The following SPRY3 variants were observed in gnomAD, a reference collection of about 807,000 sequenced individuals.
SPRY3 encodes sprouty RTK signaling antagonist 3.
A neutral mutation model predicts 20.2 loss-of-function variants in SPRY3; 15 were observed. The observed-to-expected ratio is 0.74, with a 90% CI of 0.50 to 1.14. The LOEUF is 1.14. SPRY3 is among the 50% of genes most tolerant of loss of function. The pLI, the probability that SPRY3 is intolerant of heterozygous loss-of-function variation, is 0.00. For missense variants in SPRY3, 364 were observed against 363.9 expected (o/e 1.00, Z 0.00); for synonymous variants, 143 against 136.5 (o/e 1.05, Z -0.33).
intron 1 of SPRY3, among the ~76,000 whole-genome samples, chrX:155,615,249 ACT>A (rs1309479171): frequency 1.8e-5 from 2 of 112,391 alleles, no homozygotes; most frequent in African/African-American, 6.5e-5. Context: ...TAATTTTTAG[ACT>A]CTTGCTCTAG....
intron 2 of SPRY3, among the ~76,000 whole-genome samples, chrX:155,747,447 T>G (rs1446461353): frequency 6.6e-6 from 1 of 151,972 alleles, no homozygotes; most frequent in Non-Finnish European, 1.5e-5. Flanking sequence ...TATTATTAAA[T>G]TATCTCTAAA....
chrX:155,682,075 T>A (rs1375780462), intron 2 of SPRY3, among the ~76,000 whole-genome samples: 2 of 112,575 alleles, frequency 1.8e-5, no homozygotes, highest in African/African-American at 6.4e-5. Flanking sequence ...AACACCTGAT[T>A]TCAAAGCTTC....
chrX:155,616,132 T>TCTCTCTCTCTCTCTCTCTCTCTCTC (rs1569562349), intron 1 of SPRY3, among the ~76,000 whole-genome samples: 68 of 29,649 alleles, frequency 2.3e-3, no homozygotes, highest in African/African-American at 4.0e-3. Context: ...CTCTCTCTCC[T>TCTCTCTCTCTCTCTCTCTCTCTCTC]CTCTCTCTCT....
Position 155,755,638 on chromosome X carries a change from G to A in SPRY3, c.-281-12324G>A, listed in dbSNP as rs769274271. Among the ~76,000 whole-genome samples the A allele has an allele frequency of 3.9e-5, 6 of 152,206 alleles. No homozygotes were observed. In the East Asian group the frequency reaches 1.2e-3, roughly 29 times the overall value. ...CACTGTAAATGCTCAATAAATGCAA[G>A]GATGTCATTAATATTACATGTCAAC... is the stretch of plus-strand genomic sequence containing the variant. On this transcript the variant is annotated intron_variant, in intron 2 of 3. Transcript: ENST00000675360.
At chrX:155,709,639 C>A (rs2090973367) in intron 2 of SPRY3, among the ~76,000 whole-genome samples, 1 of 151,434 alleles carries the variant, frequency 6.6e-6, no homozygotes, top group Non-Finnish European at 1.5e-5. Context: ...TGATTGTATT[C>A]TTTGCTGTGC....
rs146113448 is a variant in SPRY3, at chrX:155,623,693, T to A, written c.-441+11046T>A. 6.0e-3 allele frequency among the ~76,000 whole-genome samples: 667 copies of A among 112,100 alleles called. 2 individuals are homozygous for A. Among genetic ancestry groups the A allele is most frequent in the African/African-American group, 0.02 (628 of 30,932 alleles). ...GAACTTGTCATTGCTTACTCGTGGGTCCAGACGCTAGTCCAATATGCATCA... is the reference window on the plus strand; with the variant it reads ...GAACTTGTCATTGCTTACTCGTGGGACCAGACGCTAGTCCAATATGCATCA... On this transcript the variant is annotated intron_variant, in intron 1 of 3. Coordinates refer to ENST00000675360, the Ensembl canonical transcript of SPRY3.
At chrX:155,725,932 T>C (rs1274979404) in intron 2 of SPRY3, among the ~76,000 whole-genome samples, 2 of 152,226 alleles carry the variant, frequency 1.3e-5, no homozygotes, top group Non-Finnish European at 2.9e-5. Flanking sequence ...TTTAGATCTT[T>C]TCTGCTTTCT....
chrX:155,709,791 G>A (rs1438959267), intron 2 of SPRY3, among the ~76,000 whole-genome samples: 2 of 151,674 alleles, frequency 1.3e-5, no homozygotes, highest in African/African-American at 4.8e-5. Context: ...AGTTTCATAA[G>A]TTTAGTCTTA....
At chrX:155,708,302 C>T (rs2090964429) in intron 2 of SPRY3, among the ~76,000 whole-genome samples, 1 of 151,380 alleles carries the variant, frequency 6.6e-6, no homozygotes. Flanking sequence ...TATTCTTGCT[C>T]AACAGATTTT....
At chrX:155,620,529 C>T (rs1184601457) in intron 1 of SPRY3, among the ~76,000 whole-genome samples, 3 of 111,531 alleles carry the variant, frequency 2.7e-5, no homozygotes, top group African/African-American at 6.5e-5. Flanking sequence ...AAGCAACAAA[C>T]GTAGATGAAC....
At chrX:155,720,861 C>A (rs1329452707) in intron 2 of SPRY3, among the ~76,000 whole-genome samples, 2 of 152,130 alleles carry the variant, frequency 1.3e-5, no homozygotes, top group South Asian at 2.1e-4. Context: ...AAGTACCCAA[C>A]TCTTCAATGC....
intron 2 of SPRY3, among the ~76,000 whole-genome samples, chrX:155,765,477 G>A (rs1006930643): frequency 1.6e-4 from 24 of 152,180 alleles, no homozygotes; most frequent in Non-Finnish European, 3.4e-4. Context: ...TCATAGAACA[G>A]CACCTGGCAA....
At chrX:155,700,487 A>G (rs1420984249) in intron 2 of SPRY3, among the ~76,000 whole-genome samples, 3 of 107,414 alleles carry the variant, frequency 2.8e-5, no homozygotes, top group African/African-American at 1.0e-4. Context: ...ACCAATGTTC[A>G]TAGCAGCATT....
At chrX:155,649,717 G>A (rs1030773014) in intron 1 of SPRY3, among the ~76,000 whole-genome samples, 3 of 111,322 alleles carry the variant, frequency 2.7e-5, no homozygotes, top group Non-Finnish European at 5.7e-5. Flanking sequence ...CACAAGACAA[G>A]GATGCCCTCT....
intron 2 of SPRY3, among the ~76,000 whole-genome samples, chrX:155,675,482 A>G (rs2068056368): frequency 9.0e-6 from 1 of 111,185 alleles, no homozygotes; most frequent in African/African-American, 3.3e-5. Flanking sequence ...AAAATTAAGT[A>G]AAGCAGTCCG....
chrX:155,728,757 T>C (rs2091115476), intron 2 of SPRY3, among the ~76,000 whole-genome samples: 1 of 152,148 alleles, frequency 6.6e-6, no homozygotes, highest in African/African-American at 2.4e-5. Context: ...CCCTGACCCC[T>C]TGTGCTTCCC....
At chrX:155,712,996 T>C (rs760529345) in intron 2 of SPRY3, among the ~76,000 whole-genome samples, 1 of 152,212 alleles carries the variant, frequency 6.6e-6, no homozygotes, top group South Asian at 2.1e-4. Flanking sequence ...ATCCCCTTGC[T>C]TTTTAATTTT....
At chrX:155,665,230 C>G (rs1557354199) in intron 2 of SPRY3, among the ~76,000 whole-genome samples, 2 of 110,652 alleles carry the variant, frequency 1.8e-5, no homozygotes, top group African/African-American at 6.6e-5. Context: ...ATAACACCAA[C>G]TTTGGGAGAA....
At chrX:155,671,315 C>G (rs627797) in intron 2 of SPRY3, among the ~76,000 whole-genome samples, 60,290 of 109,738 alleles carry the variant, frequency 0.55, 14,251 homozygotes, top group Middle Eastern at 0.77. Context: ...CTCTCTGAGT[C>G]ATTCTGATCT....
Sources: allele counts gnomAD v4.1 joint callset (sites outside exome capture counted in the v4.1 genomes callset), GRCh38; gene constraint gnomAD v4.1.1; transcripts MANE v1.5; gene names NCBI Gene and HGNC (gene_info 2026-07-23, HGNC 2026-07-21).